The following CADM1 variants were observed in gnomAD, a reference collection of about 807,000 sequenced individuals.
CADM1 encodes cell adhesion molecule 1.
In CADM1, 15 loss-of-function variants were observed where a neutral mutation model predicts 53.1. The observed-to-expected ratio is 0.28, with a 90% CI of 0.19 to 0.44. The LOEUF (loss-of-function observed/expected upper bound fraction) is 0.44, where lower values mean the gene tolerates loss of function less well. CADM1 is among the 20% of genes least tolerant of loss of function. The pLI is 1.00. For missense variants in CADM1, 434 were observed against 611.3 expected, an observed-to-expected ratio of 0.71 and a Z score of 3.06; for synonymous variants, 281 against 243.0, an observed-to-expected ratio of 1.16 and a Z score of -1.45.
At chr11:115,391,797 T>C (rs986579568) in intron 1 of CADM1, among the ~76,000 whole-genome samples, 1 of 152,160 alleles carries the variant, frequency 6.6e-6, no homozygotes, top group African/African-American at 2.4e-5. Context: ...GTGCTACAGC[T>C]GGTGGAGCCT....
chr11:115,282,844 C>T (rs1283275960), intron 1 of CADM1, among the ~76,000 whole-genome samples: 1 of 152,108 alleles, frequency 6.6e-6, no homozygotes, highest in Non-Finnish European at 1.5e-5. Flanking sequence ...TGGGGACATG[C>T]TTATATTAAA....
intron 1 of CADM1, among the ~76,000 whole-genome samples, chr11:115,449,663 G>C (rs1034964181): frequency 6.6e-6 from 1 of 152,124 alleles, no homozygotes; most frequent in Non-Finnish European, 1.5e-5. Context: ...TGCATCTACT[G>C]CTTTAGAAGG....
chr11:115,182,284 C>T (rs75466368), intron 10 of CADM1, among the ~76,000 whole-genome samples: 1 of 152,164 alleles, frequency 6.6e-6, no homozygotes, highest in Non-Finnish European at 1.5e-5. Context: ...GCCTGATGCT[C>T]AGGCATATGG....
In CADM1 at chr11:115,424,418, T is replaced by C. The variant is rs534747520; in HGVS notation, c.124+79853A>G. Among the ~76,000 whole-genome samples the C allele has an allele frequency of 4.8e-4, 73 of 152,382 alleles. 1 individual carries two copies. The South Asian group carries it at 8.1e-3, about 17-fold the overall frequency. ...TGGTAGAATTCTCAGTTTGACCTTG[T>C]TGTTTTTAATGTAGTGAAGTTAGAC... On this transcript the variant is annotated intron_variant, in intron 1 of 11. Coordinates refer to ENST00000331581, the MANE Select transcript of CADM1 (RefSeq NM_001301043.2).
intron 7 of CADM1, among the ~76,000 whole-genome samples, chr11:115,212,991 A>AG (rs1455397661): frequency 6.6e-6 from 1 of 152,240 alleles, no homozygotes; most frequent in East Asian, 1.9e-4. Context: ...CTTGAAATGT[A>AG]GGGGCAGTAA....
chr11:115,483,908 A>C (rs1016617842), intron 1 of CADM1, among the ~76,000 whole-genome samples: 2 of 152,210 alleles, frequency 1.3e-5, no homozygotes, highest in Non-Finnish European at 2.9e-5. Context: ...CCATCATCAC[A>C]AAAGTTCTAT....
At chr11:115,295,509 TATATATATATATATATATATA>T (rs1565349019) in intron 1 of CADM1, among the ~76,000 whole-genome samples, 14 of 27,942 alleles carry the variant, frequency 5.0e-4, no homozygotes, top group Non-Finnish European at 7.8e-4. Context: ...AGATATTTTA[TATATATATATATATATATATA>T]TATATATATA....
chr11:115,448,445 G>A (rs1948500341), intron 1 of CADM1, among the ~76,000 whole-genome samples: 1 of 152,088 alleles, frequency 6.6e-6, no homozygotes, highest in African/African-American at 2.4e-5. Context: ...CTGACCTAAA[G>A]ACAATGCCAC....
intron 1 of CADM1, among the ~76,000 whole-genome samples, chr11:115,367,866 C>A (rs1437875029): frequency 1.3e-5 from 2 of 151,794 alleles, no homozygotes; most frequent in African/African-American, 2.4e-5. Context: ...TCTCATTTTC[C>A]ATATGAGATG....
At chr11:115,239,822 T>G (rs778939321) in intron 2 of CADM1, among the ~76,000 whole-genome samples, 10 of 152,190 alleles carry the variant, frequency 6.6e-5, no homozygotes, top group Admixed American at 2.0e-4. Context: ...TTTGTGATAT[T>G]ACATTTGGAA....
At chr11:115,470,795 C>T (rs1363368372) in intron 1 of CADM1, among the ~76,000 whole-genome samples, 1 of 152,112 alleles carries the variant, frequency 6.6e-6, no homozygotes, top group African/African-American at 2.4e-5. Context: ...ACATTACCTA[C>T]CAAATCTCAC....
intron 8 of CADM1, among the ~76,000 whole-genome samples, chr11:115,204,258 T>G (rs940148106): frequency 6.6e-5 from 10 of 152,360 alleles, no homozygotes; most frequent in African/African-American, 2.4e-4. Flanking sequence ...CCATCCTTTC[T>G]TATCCACATT....
intron 8 of CADM1, among the ~76,000 whole-genome samples, chr11:115,206,758 CTTTTTTTTTTTTTTTTTT>C (rs56270694): frequency 1.0e-4 from 4 of 38,206 alleles, no homozygotes; most frequent in Non-Finnish European, 1.8e-4. Flanking sequence ...CTGTGGACTT[CTTTTTTTTTTTTTTTTTT>C]TTTTTTTTTT....
intron 1 of CADM1, among the ~76,000 whole-genome samples, chr11:115,476,355 T>C (rs1949130541): frequency 6.6e-6 from 1 of 152,208 alleles, no homozygotes; most frequent in African/African-American, 2.4e-5. Flanking sequence ...GACCAGATAA[T>C]CCACGATCAT....
intron 9 of CADM1, among the ~76,000 whole-genome samples, chr11:115,191,858 G>C (rs1019862257): frequency 1.3e-5 from 2 of 152,194 alleles, no homozygotes; most frequent in Non-Finnish European, 2.9e-5. Context: ...GGTCTTTTAA[G>C]TTGCACAGCA....
intron 1 of CADM1, among the ~76,000 whole-genome samples, chr11:115,467,998 A>G (rs528633765): frequency 2.6e-5 from 4 of 152,356 alleles, no homozygotes; most frequent in South Asian, 2.1e-4. Flanking sequence ...AATATATTCT[A>G]TAAGTACAAA....
intron 1 of CADM1, among the ~76,000 whole-genome samples, chr11:115,417,795 T>G (rs1947641165): frequency 6.6e-6 from 1 of 152,216 alleles, no homozygotes; most frequent in Non-Finnish European, 1.5e-5. Flanking sequence ...GGATCATGTT[T>G]GCCATGGGTA....
chr11:115,261,107 A>G (rs553726517), intron 1 of CADM1, among the ~76,000 whole-genome samples: 1 of 152,334 alleles, frequency 6.6e-6, no homozygotes, highest in Non-Finnish European at 1.5e-5. Context: ...AGAGCCTACC[A>G]TGAGGTAGGC....
At chr11:115,389,486 G>A (rs1946780389) in intron 1 of CADM1, among the ~76,000 whole-genome samples, 1 of 152,180 alleles carries the variant, frequency 6.6e-6, no homozygotes, top group South Asian at 2.1e-4. Flanking sequence ...AATACCACAT[G>A]TAGTTTTCAA....
Sources: allele counts gnomAD v4.1 joint callset (sites outside exome capture counted in the v4.1 genomes callset), GRCh38; gene constraint gnomAD v4.1.1; transcripts MANE v1.5; gene names NCBI Gene and HGNC (gene_info 2026-07-23, HGNC 2026-07-21).